The following DAG1 variants were observed in gnomAD, a reference collection of about 807,000 sequenced individuals.
DAG1 encodes the protein dystroglycan 1 (dystrophin-associated glycoprotein 1).
Under a neutral mutation model 46.1 loss-of-function variants are expected in DAG1, and 8 were observed. That is an observed-to-expected ratio of 0.17 (90% confidence interval 0.10 to 0.31). The LOEUF (loss-of-function observed/expected upper bound fraction) is 0.31. Ranked by LOEUF, DAG1 falls within the 10% of genes least tolerant of loss-of-function variation. DAG1 has a pLI of 1.00. For synonymous variants in DAG1, 495 were observed against 481.8 expected (o/e 1.03, Z -0.36); for missense variants, 1,003 against 1,189.9 (o/e 0.84, Z 2.31).
chr3:49,493,884 C>G (rs1428922090), intron 1 of DAG1, among the ~76,000 whole-genome samples: 2 of 152,192 alleles, frequency 1.3e-5, no homozygotes, highest in Non-Finnish European at 2.9e-5. Flanking sequence ...CATAGAATGG[C>G]TGTAGCTTTG....
rs1348068622 is a variant in DAG1 at position 49,479,416 on chromosome 3, TCTC to T, written c.-117+8986_-117+8988del. Among the ~76,000 whole-genome samples, 4 of 150,704 alleles carry T rather than the reference TCTC, an allele frequency of 2.7e-5. No homozygotes were observed. The East Asian group carries it at 5.9e-4, about 22-fold the overall frequency. Reference sequence around the variant, plus strand: ...CCTCCACCTCCTGGATTCAAGTGATTCTCCTATCTCAGCCTCCTGAGTAGCTGA... The same window carrying T: ...CCTCCACCTCCTGGATTCAAGTGATTCTATCTCAGCCTCCTGAGTAGCTGA... On this transcript the variant is annotated intron_variant, in intron 1 of 2. Transcript: ENST00000308775.
At position 49,532,570 on chromosome 3, in the gene DAG1, A is replaced by G. The variant is rs771260232; in HGVS notation, c.2059A>G (p.Lys687Glu). Residue 687 changes from lysine (K) to glutamate (E), a missense_variant, in exon 3 of 3, where the codon AAA becomes GAA. Lys to Glu is a moderately conservative substitution (Grantham distance 56, BLOSUM62 1). Transcript: ENST00000308775. This position sits in a 1 kb window ranked among gnomAD's most constrained non-coding sequence, Gnocchi z 5.4. ...LSRRIAEDDG[K>E]PRPAFSNALE... Reference sequence around the variant, plus strand: ...CCGCCGGATCGCTGAGGATGATGGAAAACCTCGGCCTGCCTTCTCCAACGC... The same window carrying G: ...CCGCCGGATCGCTGAGGATGATGGAGAACCTCGGCCTGCCTTCTCCAACGC... 6.2e-7 allele frequency: 1 copy of G among 1,612,562 alleles called. No individual in the cohort carries two copies. The highest frequency in any genetic ancestry group is 8.5e-7 in the Non-Finnish European group (1 of 1,178,734).
At chr3:49,521,730 G>C (rs1368466705) in intron 2 of DAG1, among the ~76,000 whole-genome samples, 2 of 152,210 alleles carry the variant, frequency 1.3e-5, no homozygotes, top group Non-Finnish European at 2.9e-5. Flanking sequence ...TGTGTGCAGA[G>C]GGCATCAGTA....
intron 1 of DAG1, among the ~76,000 whole-genome samples, chr3:49,502,702 G>T (rs1033832041): frequency 6.8e-6 from 1 of 146,714 alleles, no homozygotes; most frequent in Non-Finnish European, 1.5e-5. Context: ...GCAGTGGTGC[G>T]ATCTCGGCTC....
chr3:49,472,579 G>C (rs543023380), intron 1 of DAG1, among the ~76,000 whole-genome samples: 1 of 151,958 alleles, frequency 6.6e-6, no homozygotes, highest in African/African-American at 2.4e-5. Flanking sequence ...AGGCCGAGGC[G>C]GGCGGATCAC....
intron 1 of DAG1, among the ~76,000 whole-genome samples, chr3:49,486,878 T>G (rs564171321): frequency 7.9e-5 from 12 of 152,258 alleles, no homozygotes; most frequent in African/African-American, 2.9e-4. Context: ...TATTTGATTT[T>G]TTTTGTTTGT....
At chr3:49,496,773 T>C (rs1166964535) in intron 1 of DAG1, among the ~76,000 whole-genome samples, 2 of 151,830 alleles carry the variant, frequency 1.3e-5, no homozygotes, top group Non-Finnish European at 2.9e-5. Flanking sequence ...ACTACAGGCA[T>C]GCACCACAAC....
intron 2 of DAG1, among the ~76,000 whole-genome samples, chr3:49,520,531 G>C (rs1292524992): frequency 6.6e-6 from 1 of 152,254 alleles, no homozygotes; most frequent in Non-Finnish European, 1.5e-5. Context: ...CAGGTCTGAA[G>C]GAAAGCAGGG....
At chr3:49,498,962 G>A (rs755875128) in intron 1 of DAG1, among the ~76,000 whole-genome samples, 1 of 152,096 alleles carries the variant, frequency 6.6e-6, no homozygotes, top group South Asian at 2.1e-4. Flanking sequence ...TGCCCACCTC[G>A]GCCTCCCAGA....
At chr3:49,499,967 ACTTCTT>A (rs772653273) in intron 1 of DAG1, among the ~76,000 whole-genome samples, 38 of 148,546 alleles carry the variant, frequency 2.6e-4, no homozygotes, top group African/African-American at 8.6e-4. Flanking sequence ...TTGACATTTT[ACTTCTT>A]CTTCTTTTTT....
At chr3:49,519,860 T>C (rs910482916) in intron 2 of DAG1, among the ~76,000 whole-genome samples, 1 of 152,242 alleles carries the variant, frequency 6.6e-6, no homozygotes, top group African/African-American at 2.4e-5. Context: ...TAAGCTGCCC[T>C]TTACTTTTTT....
intron 1 of DAG1, among the ~76,000 whole-genome samples, chr3:49,485,705 A>T (rs1333857821): frequency 1.4e-5 from 2 of 142,140 alleles, no homozygotes; most frequent in Non-Finnish European, 1.5e-5. Flanking sequence ...TCTGTCACCC[A>T]AGCTAGAGTG....
chr3:49,503,596 C>A (rs990772743), intron 1 of DAG1, among the ~76,000 whole-genome samples: 19 of 152,046 alleles, frequency 1.2e-4, no homozygotes, highest in African/African-American at 4.6e-4. Context: ...GTTTGAGAGG[C>A]CAAGGTGGGT....
intron 1 of DAG1, among the ~76,000 whole-genome samples, chr3:49,497,756 A>G (rs1294582416): frequency 6.6e-6 from 1 of 152,226 alleles, no homozygotes; most frequent in African/African-American, 2.4e-5. Context: ...TGGAATGTAG[A>G]AGGAATTCTT....
At chr3:49,523,910 G>A (rs1159652130) in intron 2 of DAG1, among the ~76,000 whole-genome samples, 1 of 152,208 alleles carries the variant, frequency 6.6e-6, no homozygotes, top group Non-Finnish European at 1.5e-5. Flanking sequence ...AGTGAAAGAT[G>A]GGCCTTCTCA....
intron 2 of DAG1, among the ~76,000 whole-genome samples, chr3:49,530,234 C>T (rs935789679): frequency 1.3e-5 from 2 of 152,166 alleles, no homozygotes; most frequent in East Asian, 1.9e-4. Flanking sequence ...TTGAATGTAA[C>T]GTGATGTTGT....
chr3:49,515,090 T>TC (rs2050862620), intron 2 of DAG1, among the ~76,000 whole-genome samples: 1 of 152,030 alleles, frequency 6.6e-6, no homozygotes. Flanking sequence ...CACCTTGGCC[T>TC]CCCAAAGTGC....
intron 2 of DAG1, among the ~76,000 whole-genome samples, chr3:49,514,088 A>C (rs1385018570): frequency 3.9e-5 from 6 of 152,182 alleles, no homozygotes; most frequent in Non-Finnish European, 8.8e-5. Context: ...TATCTGTGGA[A>C]AGCAGACCAT....
rs2051437282 is a variant in DAG1, at chr3:49,533,809, G to C, written c.*610G>C. The C allele has an allele frequency of 5.3e-6, 1 of 188,476 alleles. No individual in the cohort carries two copies. The highest frequency in any genetic ancestry group is 5.5e-5 in the Admixed American group (1 of 18,308). 11.7% of individuals were successfully genotyped at this position (188,476 alleles called of 1,614,324 possible). A position where few individuals can be genotyped will look rare whatever the true frequency, so the allele number is the denominator to read the frequency against. On this transcript the variant is annotated 3_prime_UTR_variant, in exon 3 of 3. Coordinates refer to ENST00000308775, the MANE Select transcript of DAG1 (RefSeq NM_004393.6). ...CAAACTTAGAGAAGACCAAGGGACA[G>C]TATTTTTTATCAAAGGAATACTATT...
Sources: allele counts gnomAD v4.1 joint callset (sites outside exome capture counted in the v4.1 genomes callset), GRCh38; gene constraint gnomAD v4.1.1; non-coding constraint Gnocchi (gnomAD v3.1); transcripts MANE v1.5; gene names NCBI Gene and HGNC (gene_info 2026-07-23, HGNC 2026-07-21).